Variants in L3MBTL1 observed in about 807,000 individuals in gnomAD.
L3MBTL1 encodes the protein lethal(3)malignant brain tumor-like protein 1.
Under a neutral mutation model 105.3 loss-of-function variants are expected in L3MBTL1, and 75 were observed. That is an observed-to-expected ratio of 0.71 (90% confidence interval 0.59 to 0.86). L3MBTL1 has a LOEUF of 0.86. Among genes scored for constraint, L3MBTL1 ranks in the 40% least tolerant of loss-of-function variants. The pLI is 0.00. For synonymous variants in L3MBTL1, 452 were observed against 436.2 expected (o/e 1.04, Z -0.45); for missense variants, 1,069 against 1,126.4 (o/e 0.95, Z 0.73).
At chr20:43,519,844 G>A (rs759332686) in intron 7 of L3MBTL1, among the ~76,000 whole-genome samples, 14 of 152,120 alleles carry the variant, frequency 9.2e-5, no homozygotes, top group Non-Finnish European at 1.3e-4. Context: ...CAGAAAGTTC[G>A]TTTTGATGGT....
intron 7 of L3MBTL1, among the ~76,000 whole-genome samples, chr20:43,524,945 G>A (rs764714632): frequency 6.6e-6 from 1 of 152,056 alleles, no homozygotes; most frequent in Admixed American, 6.6e-5. Context: ...AAATAAACAC[G>A]TTTTTTCATT....
At position 43,528,694 on chromosome 20, in the gene L3MBTL1, C is replaced by T. The variant is rs2019162310; in HGVS notation, c.900C>T (p.Ser300=). The change falls in exon 8 of 22, where the codon TCC becomes TCT. Residue 300 remains serine (S), a synonymous_variant. Transcript: ENST00000418998. ...GEKKECWSWE[S]YLEEQKAITA... ...AGAAGGAATGCTGGTCGTGGGAGTC[C>T]TACCTAGAGGAGCAGAAGGCCATTA... The T allele has an allele frequency of 3.1e-6, 5 of 1,614,040 alleles. No individual in the cohort carries two copies. Among genetic ancestry groups the T allele is most frequent in the Admixed American group, 1.7e-5 (1 of 59,998 alleles).
At position 43,540,391 on chromosome 20, in the gene L3MBTL1, G is replaced by A. The variant is rs146745459; in HGVS notation, c.2331+83G>A. 7.6e-4 allele frequency: 1,119 copies of A among 1,475,022 alleles called. 7 individuals carry two copies. The African/African-American group carries it at 0.013, about 18-fold the overall frequency. The allele number at this position is 1,475,022 out of a possible 1,614,324, so 91.4% of individuals were successfully genotyped here. A position where few individuals can be genotyped will look rare whatever the true frequency, so the allele number is the denominator to read the frequency against. ...ACCCTGGTGGAAAGGCCCAGGTCAG[G>A]TAGAACCCGGTACCACTCCTGGCAC... On this transcript the variant is annotated intron_variant, in intron 20 of 21. Coordinates refer to ENST00000418998, the MANE Select transcript of L3MBTL1 (RefSeq NM_001377303.1).
intron 19 of L3MBTL1, 96 bp downstream of exon 19, chr20:43,536,554 G>A: frequency 7.0e-7 from 1 of 1,426,054 alleles, no homozygotes; most frequent in Non-Finnish European, 9.8e-7. Flanking sequence ...CCCAGAGTGG[G>A]AGAAGCTAGA....
intron 7 of L3MBTL1, among the ~76,000 whole-genome samples, chr20:43,518,263 G>T (rs1469087623): frequency 6.6e-6 from 1 of 151,888 alleles, no homozygotes; most frequent in Non-Finnish European, 1.5e-5. Context: ...GAAGAATCTG[G>T]GGGGTGGGAA....
chr20:43,514,705 A>G lies in L3MBTL1; in HGVS notation c.431A>G (p.Gln144Arg). The change falls in exon 4 of 22, where the codon CAG becomes CGG. Residue 144 changes from glutamine to arginine, a missense_variant. Gln to Arg is a conservative substitution (Grantham distance 43). Coordinates refer to ENST00000418998, the MANE Select transcript of L3MBTL1 (RefSeq NM_001377303.1). ...VEQPPSPELR[Q>R]EGVTEYEDGG... ...CAGCCCCCGAGCCCCGAGCTGCGGC[A>G]GGAAGGCGTGACCGAATACGAAGAT... 6.3e-7 allele frequency: 1 copy of G among 1,583,452 alleles called. No individual in the cohort carries two copies. The highest frequency in any genetic ancestry group is 8.6e-7 in the Non-Finnish European group (1 of 1,165,122).
chr20:43,536,443 CA>C lies in L3MBTL1; in HGVS notation c.2159del (p.Gln720ArgfsTer43), dbSNP rs769265312. On this transcript the variant is annotated frameshift_variant, in exon 19 of 22. Transcript: ENST00000418998. LOFTEE classifies it high-confidence loss of function. ...GRPPKYRKIPQEDFQTLTPDV... is the reference protein window; with the variant it reads ...GRPPKYRKIPXEDFQTLTPDV... ...CCCTCCGAAGTATCGAAAGATTCCG[CA>C]GGAAGATTTCCAGAGTAAGTCTGGG... is the stretch of plus-strand genomic sequence containing the variant. The C allele has an allele frequency of 1.2e-6, 2 of 1,614,004 alleles. No homozygotes were observed. Among genetic ancestry groups the C allele is most frequent in the East Asian group, 4.5e-5 (2 of 44,884 alleles).
At chr20:43,517,112 T>C (rs574142585) in intron 7 of L3MBTL1, among the ~76,000 whole-genome samples, 11 of 151,416 alleles carry the variant, frequency 7.3e-5, no homozygotes, top group African/African-American at 2.4e-4. Flanking sequence ...TTTTTTTTTT[T>C]CTTTGAGACG....
Position 43,535,934 on chromosome 20 carries a change from C to T in L3MBTL1, c.1923C>T (p.His641=), listed in dbSNP as rs2019583483. The stretch of plus-strand genomic sequence containing the variant: ...GGACCTCCAAATACAGCTTTCACCA[C>T]CGGTGAGTGAAGGTTCCTGGTGAGA... ...HTRTSKYSFH[H]RKCPTPGCDG... The change falls in exon 17 of 22, where the codon CAC becomes CAT. Residue 641 remains histidine, a splice_region_variant and synonymous_variant. Coordinates refer to ENST00000418998, the MANE Select transcript of L3MBTL1 (RefSeq NM_001377303.1). 4 of 1,610,240 alleles carry T rather than the reference C, an allele frequency of 2.5e-6. No homozygotes were observed. In the East Asian group the frequency reaches 8.9e-5, roughly 36 times the overall value.
intron 7 of L3MBTL1, among the ~76,000 whole-genome samples, chr20:43,518,940 A>T (rs6103364): frequency 0.39 from 56,477 of 146,410 alleles, 11,258 homozygotes; most frequent in African/African-American, 0.51. Context: ...GCAGGAGGAT[A>T]GCTTGAACCT....
intron 7 of L3MBTL1, among the ~76,000 whole-genome samples, chr20:43,525,538 A>G (rs1254981066): frequency 4.0e-5 from 6 of 149,630 alleles, no homozygotes; most frequent in Non-Finnish European, 9.0e-5. Context: ...ACCTATGTAT[A>G]GTGCACAGAT....
exon 19 of L3MBTL1, chr20:43,550,012 G>GCAGC (rs905602614): frequency 3.3e-5 from 5 of 152,104 alleles, no homozygotes; most frequent in African/African-American, 1.2e-4. Context: ...CTGCTTAGAG[G>GCAGC]CAGCTTTGAG....
intron 3 of L3MBTL1, chr20:43,514,376 G>A (rs1042994037): frequency 1.4e-4 from 188 of 1,375,152 alleles, no homozygotes; most frequent in Non-Finnish European, 1.7e-4. Context: ...GTGGGGTACC[G>A]TGGGACTGGG....
chr20:43,528,192 C>T (rs1265241758), intron 7 of L3MBTL1, among the ~76,000 whole-genome samples: 4 of 152,196 alleles, frequency 2.6e-5, no homozygotes, highest in South Asian at 2.1e-4. Context: ...CATGCCCAGC[C>T]GTGTTTCTTG....
At chr20:43,516,717 A>G (rs2018411221) in intron 7 of L3MBTL1, among the ~76,000 whole-genome samples, 2 of 152,130 alleles carry the variant, frequency 1.3e-5, no homozygotes, top group Non-Finnish European at 2.9e-5. Flanking sequence ...CAGTTTGTTT[A>G]ATGTCTCTCT....
chr20:43,546,540 G>A (rs1055083081), downstream of L3MBTL1, among the ~76,000 whole-genome samples: 3 of 152,122 alleles, frequency 2.0e-5, no homozygotes, highest in Admixed American at 2.0e-4. Context: ...TGCCTGGCAC[G>A]TAAGAAACAA....
chr20:43,529,403 G>A (rs2019208975), intron 9 of L3MBTL1, 35 bp downstream of exon 9: 2 of 1,406,150 alleles, frequency 1.4e-6, no homozygotes, highest in South Asian at 2.4e-5. Context: ...TTCTGATGAT[G>A]TCTCTCAGTG....
At chr20:43,513,353 C>A in intron 1 of L3MBTL1, 123 bp from the exon 2 acceptor site, 1 of 966,792 alleles carries the variant, frequency 1.0e-6, no homozygotes, top group Non-Finnish European at 1.5e-6. Flanking sequence ...TGAGGCCTTT[C>A]TCTGCAGGTC....
rs777045286 is a variant in L3MBTL1, at chr20:43,534,854, C to G, written c.1737C>G (p.Gly579=). 1.6e-5 allele frequency: 26 copies of G among 1,611,638 alleles called. No individual in the cohort carries two copies. The African/African-American group carries it at 3.2e-4, about 20-fold the overall frequency. Residue 579 remains glycine (G), a synonymous_variant, in exon 16 of 22, where the codon GGC becomes GGG. Coordinates refer to ENST00000418998, the MANE Select transcript of L3MBTL1 (RefSeq NM_001377303.1). The part of the protein sequence containing the change: ...IKIHFDGWSH[G]YDFWIDADHP... The stretch of plus-strand genomic sequence containing the variant: ...TCCACTTTGATGGCTGGAGTCATGG[C>G]TATGATTTCTGGATCGACGCTGACC...
Sources: gnomAD v4.1 joint callset for allele counts (sites outside exome capture counted in the v4.1 genomes callset) on GRCh38, gnomAD v4.1.1 for gene constraint, MANE v1.5 for transcripts, NCBI Gene and HGNC (gene_info 2026-07-23, HGNC 2026-07-21) for gene names.